SLC5A12: variants seen among roughly 807,000 people sequenced by gnomAD.
SLC5A12 encodes solute carrier family 5 member 12.
Under a neutral mutation model 72.7 loss-of-function variants are expected in SLC5A12, and 46 were observed. The ratio of observed to expected loss-of-function variants is 0.63; its 90% CI spans 0.50 to 0.81. SLC5A12 has a LOEUF of 0.81. Ranked by LOEUF, SLC5A12 falls within the 30% of genes least tolerant of loss-of-function variation. The pLI, the probability that SLC5A12 is intolerant of heterozygous loss-of-function variation, is 0.00. For synonymous variants in SLC5A12, 275 were observed against 264.4 expected (o/e 1.04, Z -0.39); for missense variants, 683 against 740.7 (o/e 0.92, Z 0.90).
intron 12 of SLC5A12, 103 bp from the exon 13 acceptor site, chr11:26,678,918 C>T (rs1169823352): frequency 3.5e-5 from 21 of 606,354 alleles, no homozygotes; most frequent in Non-Finnish European, 5.5e-5. Context: ...TCTCAAAAGC[C>T]TAAATCATAA....
intron 1 of SLC5A12, among the ~76,000 whole-genome samples, chr11:26,713,682 A>G (rs1855284165): frequency 6.6e-6 from 1 of 152,040 alleles, no homozygotes; most frequent in African/African-American, 2.4e-5. Flanking sequence ...GTTGAATTTG[A>G]TTATCTCTCT....
At chr11:26,720,859 T>C (rs1272101982) in intron 1 of SLC5A12, among the ~76,000 whole-genome samples, 2 of 152,298 alleles carry the variant, frequency 1.3e-5, no homozygotes, top group Non-Finnish European at 2.9e-5. Context: ...TAAAAATTAG[T>C]CTTATTATAA....
At chr11:26,707,780 T>G (rs1041009180) in intron 4 of SLC5A12, among the ~76,000 whole-genome samples, 11 of 152,050 alleles carry the variant, frequency 7.2e-5, no homozygotes, top group African/African-American at 2.2e-4. Flanking sequence ...TCACAGTAAA[T>G]TGCTATTTTG....
intron 1 of SLC5A12, among the ~76,000 whole-genome samples, chr11:26,716,785 T>A (rs547499625): frequency 6.6e-5 from 10 of 152,302 alleles, no homozygotes; most frequent in African/African-American, 2.4e-4. Flanking sequence ...CTTACAACCC[T>A]ATTACTATCA....
intron 4 of SLC5A12, among the ~76,000 whole-genome samples, chr11:26,704,536 G>C (rs1315289758): frequency 2.6e-5 from 4 of 152,170 alleles, no homozygotes; most frequent in African/African-American, 4.8e-5. Context: ...GGAAGCATTA[G>C]CAAGAGTTAT....
chr11:26,694,140 A>G (rs1030933456), intron 8 of SLC5A12, among the ~76,000 whole-genome samples: 1 of 151,974 alleles, frequency 6.6e-6, no homozygotes, highest in Non-Finnish European at 1.5e-5. Context: ...CCATATGTCA[A>G]TTTTCAGATT....
rs1258673786 is a variant in SLC5A12 at position 26,667,966 on chromosome 11, T to C, written c.*3136A>G. The C allele has an allele frequency of 6.6e-6, 1 of 152,102 alleles. No individual in the cohort carries two copies. The highest frequency in any genetic ancestry group is 1.5e-5 in the Non-Finnish European group (1 of 67,994). The allele number at this position is 152,102 out of a possible 1,614,324, so 9.4% of individuals were successfully genotyped here. Reference sequence around the variant, plus strand: ...CATATACTGCAGACCAAGTATTAAATGTTCCATGTGGGCCAGTCACACTGT... The same window carrying C: ...CATATACTGCAGACCAAGTATTAAACGTTCCATGTGGGCCAGTCACACTGT... On this transcript the variant is annotated 3_prime_UTR_variant, in exon 15 of 15. Coordinates refer to ENST00000396005, the MANE Select transcript of SLC5A12 (RefSeq NM_178498.4).
At chr11:26,703,280 G>A (rs1855002067) in intron 6 of SLC5A12, among the ~76,000 whole-genome samples, 1 of 152,002 alleles carries the variant, frequency 6.6e-6, no homozygotes, top group South Asian at 2.1e-4. Flanking sequence ...AATGGAGGCA[G>A]CAAATAATTG....
At chr11:26,689,233 TA>T (rs1161519916) in intron 9 of SLC5A12, among the ~76,000 whole-genome samples, 1 of 151,836 alleles carries the variant, frequency 6.6e-6, no homozygotes, top group African/African-American at 2.4e-5. Flanking sequence ...CCGTTTCTAC[TA>T]AAAAAATACA....
chr11:26,675,167 C>CA (rs1854237211), intron 13 of SLC5A12, among the ~76,000 whole-genome samples: 2 of 152,152 alleles, frequency 1.3e-5, no homozygotes, highest in Admixed American at 1.3e-4. Context: ...GAATGAACCA[C>CA]AAAATCATCA....
chr11:26,718,171 G>A (rs1426119602), intron 1 of SLC5A12, among the ~76,000 whole-genome samples: 1 of 152,172 alleles, frequency 6.6e-6, no homozygotes, highest in Non-Finnish European at 1.5e-5. Context: ...AGATACTATA[G>A]ACAGATTAAG....
chr11:26,716,274 T>C (rs1317366830), intron 1 of SLC5A12: 2 of 152,200 alleles, frequency 1.3e-5, no homozygotes, highest in African/African-American at 4.8e-5. Flanking sequence ...AATAAAGACC[T>C]GATCAGAAAT....
chr11:26,717,718 T>C (rs1855384218), intron 1 of SLC5A12, among the ~76,000 whole-genome samples: 1 of 152,172 alleles, frequency 6.6e-6, no homozygotes, highest in Admixed American at 6.5e-5. Context: ...GAGGTCAGGC[T>C]GGGTGATCTC....
At chr11:26,703,996 T>TTCC (rs756859463) in intron 4 of SLC5A12, 49 bp from the exon 5 acceptor site, 1 of 1,601,128 alleles carries the variant, frequency 6.2e-7, no homozygotes, top group East Asian at 2.2e-5. Context: ...CCTGTAACTG[T>TTCC]ACTGGCTCTG....
At chr11:26,695,749 C>A (rs77605409) in intron 8 of SLC5A12, among the ~76,000 whole-genome samples, 4,935 of 152,146 alleles carry the variant, frequency 0.032, 255 homozygotes, top group African/African-American at 0.11. Flanking sequence ...GGTTTCGAAC[C>A]TTCTAATGAC....
intron 6 of SLC5A12, among the ~76,000 whole-genome samples, chr11:26,700,296 G>C (rs896702565): frequency 2.6e-5 from 4 of 152,014 alleles, no homozygotes; most frequent in Non-Finnish European, 5.9e-5. Context: ...TTTTGAATTC[G>C]TTTCTCATTT....
At chr11:26,697,131 T>A (rs756139244) in intron 8 of SLC5A12, 33 bp downstream of exon 8, 8 of 1,530,694 alleles carry the variant, frequency 5.2e-6, no homozygotes, top group Non-Finnish European at 6.3e-6. Flanking sequence ...ATCCTTTCCA[T>A]CATCATCATC....
chr11:26,710,621 A>G (rs1855202333), intron 3 of SLC5A12, among the ~76,000 whole-genome samples: 1 of 152,012 alleles, frequency 6.6e-6, no homozygotes, highest in African/African-American at 2.4e-5. Context: ...CTAACAATCC[A>G]TGCTTTTTTA....
intron 8 of SLC5A12, among the ~76,000 whole-genome samples, chr11:26,695,708 A>T (rs1010310468): frequency 1.3e-5 from 2 of 152,174 alleles, no homozygotes; most frequent in Non-Finnish European, 2.9e-5. Context: ...CAGAAGACCA[A>T]GTCTTCAATT....
Sources: gnomAD v4.1 joint callset for allele counts (sites outside exome capture counted in the v4.1 genomes callset) on GRCh38, gnomAD v4.1.1 for gene constraint, MANE v1.5 for transcripts, NCBI Gene and HGNC (gene_info 2026-07-23, HGNC 2026-07-21) for gene names.